The following NOS1 variants were observed in gnomAD, a reference collection of about 807,000 sequenced individuals.
The protein encoded by NOS1 is NOS type I.
NOS1 carries 51 observed loss-of-function variants against 164.5 expected under a neutral mutation model. That is an observed-to-expected ratio of 0.31 (90% CI 0.25 to 0.39). The LOEUF is 0.39. Among genes scored for constraint, NOS1 ranks in the 10% least tolerant of loss-of-function variants. NOS1 has a pLI of 1.00. For synonymous variants in NOS1, 719 were observed against 745.8 expected, an observed-to-expected ratio of 0.96 and a Z score of 0.59; for missense variants, 1,362 against 1,885.6, an observed-to-expected ratio of 0.72 and a Z score of 5.14.
In NOS1 at chr12:117,330,424, G is replaced by C. The variant is rs1244366219; in HGVS notation, c.646C>G (p.Leu216Val). 22 of 1,614,184 alleles carry C rather than the reference G, an allele frequency of 1.4e-5. No individual in the cohort carries two copies. The highest frequency in any genetic ancestry group is 1.8e-5 in the Non-Finnish European group (21 of 1,180,038). ...TTGACCCCTCTGCTCCCACTGGTGAGAAGGCTCAGCACAGGCTCTATCTCC... is the reference window on the plus strand; with the variant it reads ...TTGACCCCTCTGCTCCCACTGGTGACAAGGCTCAGCACAGGCTCTATCTCC... ...LKEIEPVLSL[L>V]TSGSRGVKGG... Residue 216 changes from leucine (L) to valine (V), a missense_variant, in exon 2 of 29, where the codon CTC becomes GTC. Leu to Val is a conservative substitution (Grantham distance 32). Around this residue, in one of 4 missense-constraint regions of NOS1, gnomAD observed 362 missense variants for 402.0 expected, o/e 0.90. Coordinates refer to ENST00000317775, the MANE Select transcript of NOS1 (RefSeq NM_000620.5). This position sits in a 1 kb window ranked among gnomAD's most constrained non-coding sequence, Gnocchi z 4.6.
intron 26 of NOS1, 105 bp downstream of exon 26, chr12:117,222,610 G>GA: frequency 9.3e-7 from 1 of 1,080,238 alleles, no homozygotes; most frequent in Non-Finnish European, 1.4e-6. Flanking sequence ...TTCATAGAGG[G>GA]AAAATCAGGA....
At chr12:117,281,375 C>T (rs1035723053) in intron 7 of NOS1, among the ~76,000 whole-genome samples, 1 of 151,898 alleles carries the variant, frequency 6.6e-6, no homozygotes, top group African/African-American at 2.4e-5. Context: ...AAAAAGTCAG[C>T]TGGGTGTGGT....
chr12:117,284,548 T>G (rs1207744702), intron 7 of NOS1, among the ~76,000 whole-genome samples: 1 of 152,160 alleles, frequency 6.6e-6, no homozygotes, highest in African/African-American at 2.4e-5. Context: ...TTGGTTTGTC[T>G]CCAGGCGACA....
At chr12:117,297,555 C>A (rs9658322) in intron 3 of NOS1, among the ~76,000 whole-genome samples, 3,389 of 152,194 alleles carry the variant, frequency 0.022, 139 homozygotes, top group African/African-American at 0.077. Flanking sequence ...CCATGCCTGG[C>A]TAATTTTTGT....
intron 12 of NOS1, among the ~76,000 whole-genome samples, chr12:117,264,447 ATTTATTTTCTTTC>A (rs139810785): frequency 0.18 from 27,650 of 149,894 alleles, 3,521 homozygotes; most frequent in African/African-American, 0.37. Flanking sequence ...TAATTTTCTT[ATTTATTTTCTTTC>A]TTTATTTTCT....
intron 2 of NOS1, among the ~76,000 whole-genome samples, chr12:117,322,778 C>T (rs1385640328): frequency 7.4e-6 from 1 of 134,538 alleles, no homozygotes; most frequent in African/African-American, 2.8e-5. Flanking sequence ...TCCCTCTCTC[C>T]TTCCTTTCTT....
chr12:117,237,983 G>C (rs745837379), intron 20 of NOS1, among the ~76,000 whole-genome samples: 3 of 152,134 alleles, frequency 2.0e-5, no homozygotes, highest in Non-Finnish European at 4.4e-5. Context: ...AAGCAGAGAC[G>C]TGCAAAGACC....
At chr12:117,349,968 T>C (rs1392873273) in intron 1 of NOS1, among the ~76,000 whole-genome samples, 1 of 152,012 alleles carries the variant, frequency 6.6e-6, no homozygotes, top group Admixed American at 6.5e-5. Flanking sequence ...CAAGCAATCC[T>C]CCCTCCTCAA....
At chr12:117,242,745 G>C in intron 19 of NOS1, 40 bp from the exon 20 acceptor site, 1 of 1,585,740 alleles carries the variant, frequency 6.3e-7, no homozygotes, top group African/African-American at 1.3e-5. Flanking sequence ...AGAAGGGGTT[G>C]AATGTTCCAT....
At chr12:117,328,980 T>C (rs1470650034) in intron 2 of NOS1, among the ~76,000 whole-genome samples, 1 of 152,226 alleles carries the variant, frequency 6.6e-6, no homozygotes, top group Non-Finnish European at 1.5e-5. Context: ...TGCAGGCAAC[T>C]GTAACACAAT....
intron 14 of NOS1, among the ~76,000 whole-genome samples, chr12:117,260,118 C>CAAAAAAAAAAAAAAACAAAAAA: frequency 8.6e-6 from 1 of 115,834 alleles, no homozygotes; most frequent in South Asian, 2.9e-4. Context: ...AACTCCTTCT[C>CAAAAAAAAAAAAAAACAAAAAA]AAAAAAAAAA....
Position 117,220,097 on chromosome 12 carries a change from C to G in NOS1, c.4148G>C (p.Gly1383Ala), listed in dbSNP as rs767078735. ...CACCCTCATCCGGCTGATGAATACGCCGGCGTCCTCTGCCGAGAGCTTCCC... is the reference window on the plus strand; with the variant it reads ...CACCCTCATCCGGCTGATGAATACGGCGGCGTCCTCTGCCGAGAGCTTCCC... ...QQGKLSAEDA[G>A]VFISRMRDDN... Residue 1383 changes from glycine (G) to alanine (A), a missense_variant, in exon 27 of 29, where the codon GGC becomes GCC. Transcript: ENST00000317775. 6.2e-7 allele frequency: 1 copy of G among 1,611,408 alleles called. No individual in the cohort carries two copies. The highest frequency in any genetic ancestry group is 8.5e-7 in the Non-Finnish European group (1 of 1,178,712).
intron 1 of NOS1, among the ~76,000 whole-genome samples, chr12:117,340,873 ATTTTTTTTTTTTTTTT>A (rs56322341): frequency 9.6e-6 from 1 of 104,480 alleles, no homozygotes; most frequent in Admixed American, 1.0e-4. Flanking sequence ...ACACCTGGCT[ATTTTTTTTTTTTTTTT>A]TTTTTTTGTA....
rs1274215199 is a variant in NOS1 at position 117,243,744 on chromosome 12, C to G, written c.2824-309G>C. Among the ~76,000 whole-genome samples the G allele has an allele frequency of 6.6e-6, 1 of 151,992 alleles. No homozygotes were observed. ...TCCATGTATCTATCTTTCCATCCAT[C>G]CATCCATCCACCCATCCATCCACCC... On this transcript the variant is annotated intron_variant, in intron 18 of 28. Coordinates refer to ENST00000317775, the MANE Select transcript of NOS1 (RefSeq NM_000620.5). This position sits in a 1 kb window ranked among gnomAD's most constrained non-coding sequence, Gnocchi z 4.3.
At chr12:117,311,639 C>A (rs941636093) in intron 2 of NOS1, 47 bp from the exon 3 acceptor site, 2 of 1,572,728 alleles carry the variant, frequency 1.3e-6, no homozygotes, top group African/African-American at 2.7e-5. Flanking sequence ...TCAGGAGGGA[C>A]TTGCTGGTTG....
rs1441333701 is a variant in NOS1, at chr12:117,220,251, G to A, written c.3994C>T (p.Leu1332=). The A allele has an allele frequency of 6.8e-6, 11 of 1,610,100 alleles. No homozygotes were observed. The Admixed American group carries it at 1.5e-4, about 22-fold the overall frequency. The change falls in exon 27 of 29, where the codon CTG becomes TTG. Residue 1332 remains leucine, a synonymous_variant. Transcript: ENST00000317775. ...DKPKKYVQDI[L]QEQLAESVYR... ...ACAGACTCCGCCAGCTGCTCCTGCA[G>A]GATGTCCTGCACGTACTTCTGCAAG...
intron 16 of NOS1, 135 bp downstream of exon 16, chr12:117,258,262 C>G (rs576639838): frequency 1.2e-6 from 1 of 860,324 alleles, no homozygotes; most frequent in Non-Finnish European, 1.9e-6. Flanking sequence ...AGACACCTCA[C>G]AACTAAGACC....
In NOS1 at chr12:117,330,278, G is replaced by A. The variant is rs531601287; in HGVS notation, c.725+67C>T. 2.1e-5 allele frequency: 31 copies of A among 1,505,006 alleles called. No homozygotes were observed. Among genetic ancestry groups the A allele is most frequent in the Middle Eastern group, 1.9e-4 (1 of 5,174 alleles). 93.2% of individuals were successfully genotyped at this position (1,505,006 alleles called of 1,614,324 possible). On this transcript the variant is annotated intron_variant, in intron 2 of 28. Coordinates refer to ENST00000317775, the MANE Select transcript of NOS1 (RefSeq NM_000620.5). The surrounding 1 kb of genome is among the most constrained non-coding windows in gnomAD (Gnocchi z 4.6). ...GCTATGAGGCTGAGTCTCAGTAGAC[G>A]CACATGCACACACACAAGCATGCAC...
chr12:117,259,707 C>G (rs956102913), intron 14 of NOS1, among the ~76,000 whole-genome samples: 3 of 152,198 alleles, frequency 2.0e-5, no homozygotes, highest in Non-Finnish European at 4.4e-5. Context: ...TCCATGAAAA[C>G]AAGCGATCCA....
Sources: gnomAD v4.1 joint callset for allele counts (sites outside exome capture counted in the v4.1 genomes callset) on GRCh38, gnomAD v4.1.1 for gene constraint, gnomAD v4.1.1 regional missense constraint, Gnocchi (gnomAD v3.1) non-coding constraint, MANE v1.5 for transcripts, NCBI Gene and HGNC (gene_info 2026-07-23, HGNC 2026-07-21) for gene names.